The following PPM1H variants were observed in gnomAD, a reference collection of about 807,000 sequenced individuals.
PPM1H encodes protein phosphatase 1H.
PPM1H carries 27 observed loss-of-function variants against 54.9 expected under a neutral mutation model. That is an observed-to-expected ratio of 0.49 (90% CI 0.36 to 0.68). The LOEUF is 0.68. Among genes scored for constraint, PPM1H ranks in the 30% least tolerant of loss-of-function variants. The pLI is 0.00. For missense variants in PPM1H, 596 were observed against 667.8 expected (o/e 0.89, Z 1.19); for synonymous variants, 305 against 270.8 (o/e 1.13, Z -1.24).
chr12:62,885,023 A>C (rs1046782279), intron 1 of PPM1H, among the ~76,000 whole-genome samples: 1 of 152,180 alleles, frequency 6.6e-6, no homozygotes, highest in African/African-American at 2.4e-5. Context: ...AGGCCTCAGA[A>C]TCATGGCGGG....
Position 62,694,011 on chromosome 12 carries a change from AAAC to A in PPM1H, c.1074-15_1074-13del. 1.2e-6 allele frequency: 2 copies of A among 1,609,100 alleles called. No individual in the cohort carries two copies. The highest frequency in any genetic ancestry group is 1.7e-6 in the Non-Finnish European group (2 of 1,177,482). On this transcript the variant is annotated splice_polypyrimidine_tract_variant and intron_variant, in intron 6 of 9. Transcript: ENST00000228705. ...TGGTTTTGTATGCCCTGTAGGGGAT[AAAC>A]AACATTTTAAAAAAGGTTTGCACTC...
chr12:62,767,956 AGGGTCTGCCCTACTCC>A, intron 4 of PPM1H, among the ~76,000 whole-genome samples: 1 of 152,298 alleles, frequency 6.6e-6, no homozygotes, highest in Non-Finnish European at 1.5e-5. Context: ...CACTGGATTT[AGGGTCTGCCCTACTCC>A]AGTTTGGCCT....
intron 8 of PPM1H, among the ~76,000 whole-genome samples, chr12:62,683,752 T>C (rs1018720929): frequency 6.6e-6 from 1 of 152,170 alleles, no homozygotes; most frequent in Non-Finnish European, 1.5e-5. Context: ...GAGGGCCTTG[T>C]TTCTCCAAGA....
At chr12:62,727,150 C>T (rs1371534598) in intron 5 of PPM1H, among the ~76,000 whole-genome samples, 2 of 152,154 alleles carry the variant, frequency 1.3e-5, no homozygotes, top group South Asian at 2.1e-4. Flanking sequence ...AGGTGATTCA[C>T]CTGCCTCAGC....
Position 62,720,155 on chromosome 12 carries a change from G to A in PPM1H, c.1073+16C>T, listed in dbSNP as rs777184690. 1 of 1,554,702 alleles carries A rather than the reference G, an allele frequency of 6.4e-7. No individual in the cohort carries two copies. The highest frequency in any genetic ancestry group is 8.9e-7 in the Non-Finnish European group (1 of 1,126,040). ...CACACTGTGTGGTTCCGAGGCAGAGGAAGGCATGTTCTTACCAGCCTGTCA... is the reference window on the plus strand; with the variant it reads ...CACACTGTGTGGTTCCGAGGCAGAGAAAGGCATGTTCTTACCAGCCTGTCA... On this transcript the variant is annotated intron_variant, in intron 6 of 9. Coordinates refer to ENST00000228705, the MANE Select transcript of PPM1H (RefSeq NM_020700.2).
intron 1 of PPM1H, among the ~76,000 whole-genome samples, chr12:62,877,991 G>A (rs1397539519): frequency 1.3e-5 from 2 of 152,152 alleles, no homozygotes; most frequent in Non-Finnish European, 2.9e-5. Flanking sequence ...TCCGCCTCCA[G>A]GGTTCACACC....
At chr12:62,831,787 GTA>G (rs2120856757) in intron 2 of PPM1H, among the ~76,000 whole-genome samples, 1 of 130,412 alleles carries the variant, frequency 7.7e-6, no homozygotes, top group African/African-American at 3.2e-5. Context: ...ATATATATAC[GTA>G]TACACACACA....
chr12:62,737,911 T>C (rs1455261569), intron 4 of PPM1H, among the ~76,000 whole-genome samples: 1 of 152,208 alleles, frequency 6.6e-6, no homozygotes, highest in Non-Finnish European at 1.5e-5. Context: ...GAATGAGTGA[T>C]GCAACAGAGT....
intron 9 of PPM1H, among the ~76,000 whole-genome samples, chr12:62,666,689 G>T (rs2075919250): frequency 6.6e-6 from 1 of 152,000 alleles, no homozygotes; most frequent in African/African-American, 2.4e-5. Flanking sequence ...AACTTAAGGG[G>T]GATTTTTATT....
intron 9 of PPM1H, among the ~76,000 whole-genome samples, chr12:62,665,359 T>G (rs1312237957): frequency 6.6e-6 from 1 of 152,172 alleles, no homozygotes; most frequent in East Asian, 1.9e-4. Flanking sequence ...TTTCTTCGGT[T>G]TCACTATTTT....
At chr12:62,861,274 C>T (rs1193436987) in intron 1 of PPM1H, among the ~76,000 whole-genome samples, 1 of 152,180 alleles carries the variant, frequency 6.6e-6, no homozygotes, top group Admixed American at 6.5e-5. Flanking sequence ...CTGCAAAATG[C>T]CTGGCACAGC....
At chr12:62,705,180 T>G (rs1478783218) in intron 6 of PPM1H, among the ~76,000 whole-genome samples, 1 of 152,238 alleles carries the variant, frequency 6.6e-6, no homozygotes, top group African/African-American at 2.4e-5. Flanking sequence ...ATATTTTCTT[T>G]CTATCCTGTG....
intron 1 of PPM1H, chr12:62,850,647 A>G (rs922462743): frequency 6.7e-5 from 10 of 148,430 alleles, no homozygotes; most frequent in Non-Finnish European, 1.5e-4. Flanking sequence ...ATATAAAGAT[A>G]TATTTTAAAA....
intron 1 of PPM1H, among the ~76,000 whole-genome samples, chr12:62,914,130 T>A (rs1424533359): frequency 6.6e-6 from 1 of 152,094 alleles, no homozygotes; most frequent in Non-Finnish European, 1.5e-5. Context: ...GGTCACGGAG[T>A]CAAATCTCTC....
intron 8 of PPM1H, among the ~76,000 whole-genome samples, chr12:62,683,116 C>T (rs532510811): frequency 2.7e-5 from 4 of 145,752 alleles, no homozygotes; most frequent in African/African-American, 1.0e-4. Flanking sequence ...CTCCATGTTG[C>T]CCAGGTTGGT....
intron 1 of PPM1H, among the ~76,000 whole-genome samples, chr12:62,916,710 G>C (rs1035769137): frequency 5.3e-5 from 8 of 151,872 alleles, no homozygotes; most frequent in Admixed American, 2.0e-4. Flanking sequence ...CTATAGAAAT[G>C]GATGCTGAAG....
intron 1 of PPM1H, among the ~76,000 whole-genome samples, chr12:62,904,443 T>C (rs887388136): frequency 1.5e-4 from 23 of 152,282 alleles, no homozygotes; most frequent in Admixed American, 4.6e-4. Context: ...TTTCTCCATA[T>C]TGCCCAGGCT....
intron 1 of PPM1H, among the ~76,000 whole-genome samples, chr12:62,868,384 G>C (rs1438761147): frequency 1.3e-5 from 2 of 152,170 alleles, no homozygotes; most frequent in Non-Finnish European, 1.5e-5. Context: ...AGCCTTCCCT[G>C]CCTCGGCGAC....
intron 5 of PPM1H, among the ~76,000 whole-genome samples, chr12:62,734,868 C>T (rs935104163): frequency 3.9e-5 from 6 of 151,976 alleles, no homozygotes; most frequent in Middle Eastern, 3.4e-3. Flanking sequence ...GACAGTGAGA[C>T]CCCCCCATCT....
Sources: allele counts gnomAD v4.1 joint callset (sites outside exome capture counted in the v4.1 genomes callset), GRCh38; gene constraint gnomAD v4.1.1; transcripts MANE v1.5; gene names NCBI Gene and HGNC (gene_info 2026-07-23, HGNC 2026-07-21).